Variants in SMOC2 observed in about 807,000 individuals in gnomAD.
The protein encoded by SMOC2 is SPARC related modular calcium binding 2.
In SMOC2, 39 loss-of-function variants were observed where a neutral mutation model predicts 61.4. The ratio of observed to expected loss-of-function variants is 0.64; its 90% CI spans 0.49 to 0.83. The LOEUF (loss-of-function observed/expected upper bound fraction) is 0.83, where lower values mean the gene tolerates loss of function less well. SMOC2 is among the 40% of genes least tolerant of loss of function. The pLI, the probability that SMOC2 is intolerant of heterozygous loss-of-function variation, is 0.00. For missense variants in SMOC2, 556 were observed against 592.9 expected, an observed-to-expected ratio of 0.94 and a Z score of 0.65; for synonymous variants, 247 against 239.9, an observed-to-expected ratio of 1.03 and a Z score of -0.27.
At chr6:168,538,207 TG>T (rs1783782251) in intron 4 of SMOC2, among the ~76,000 whole-genome samples, 2 of 63,044 alleles carry the variant, frequency 3.2e-5, no homozygotes, top group Admixed American at 4.2e-4. Flanking sequence ...ATCTGGGGAG[TG>T]GGGTGACCGC....
intron 4 of SMOC2, among the ~76,000 whole-genome samples, chr6:168,539,823 C>T (rs2115094445): frequency 6.6e-6 from 1 of 152,314 alleles, no homozygotes. Flanking sequence ...TACTCTTCCT[C>T]AGAGAGGCCT....
intron 7 of SMOC2, among the ~76,000 whole-genome samples, chr6:168,596,027 G>A (rs1785323711): frequency 7.9e-6 from 1 of 127,144 alleles, no homozygotes; most frequent in Non-Finnish European, 1.8e-5. Context: ...CTGCTGGAGA[G>A]GCATGAACAA....
At chr6:168,485,519 C>G (rs562766543) in intron 1 of SMOC2, among the ~76,000 whole-genome samples, 2 of 152,268 alleles carry the variant, frequency 1.3e-5, no homozygotes, top group South Asian at 4.1e-4. Flanking sequence ...TTGATACACA[C>G]TACAACAAGG....
intron 7 of SMOC2, among the ~76,000 whole-genome samples, chr6:168,588,177 A>G (rs868811781): frequency 3.9e-4 from 53 of 135,016 alleles, no homozygotes; most frequent in Middle Eastern, 4.1e-3. Flanking sequence ...AGGCTGGAGT[A>G]CAGTGGCATG....
At chr6:168,552,795 C>T (rs1029180655) in intron 7 of SMOC2, among the ~76,000 whole-genome samples, 2 of 151,786 alleles carry the variant, frequency 1.3e-5, no homozygotes, top group Non-Finnish European at 2.9e-5. Flanking sequence ...ATACCCAGGC[C>T]AGACTGGATT....
At chr6:168,444,064 A>G (rs915402273) in intron 1 of SMOC2, among the ~76,000 whole-genome samples, 4 of 152,190 alleles carry the variant, frequency 2.6e-5, no homozygotes, top group African/African-American at 9.6e-5. Context: ...CGTAATTATC[A>G]ATGCATATAG....
chr6:168,522,881 G>A (rs2609292), intron 2 of SMOC2, among the ~76,000 whole-genome samples: 86,637 of 151,668 alleles, frequency 0.57, 27,937 homozygotes, highest in Non-Finnish European at 0.72. Flanking sequence ...GGAGGTAGAC[G>A]GATAGTTCTA....
intron 1 of SMOC2, among the ~76,000 whole-genome samples, chr6:168,461,678 G>A (rs1161917278): frequency 6.6e-6 from 1 of 152,054 alleles, no homozygotes; most frequent in Non-Finnish European, 1.5e-5. Context: ...ACATTCAGTC[G>A]GGTCAAGCGT....
intron 11 of SMOC2, among the ~76,000 whole-genome samples, chr6:168,663,719 G>A (rs1356864378): frequency 2.0e-5 from 3 of 152,158 alleles, no homozygotes; most frequent in Non-Finnish European, 2.9e-5. Flanking sequence ...AAGAAAAGAT[G>A]CAAATAAAAA....
chr6:168,546,575 T>A (rs1432642771), intron 5 of SMOC2, among the ~76,000 whole-genome samples: 3 of 152,076 alleles, frequency 2.0e-5, no homozygotes, highest in Non-Finnish European at 2.9e-5. Context: ...CCCACTCACA[T>A]CCTTACTTAG....
intron 7 of SMOC2, among the ~76,000 whole-genome samples, chr6:168,567,794 T>C (rs1399058155): frequency 6.6e-6 from 1 of 152,148 alleles, no homozygotes; most frequent in Non-Finnish European, 1.5e-5. Context: ...CATTAGAATT[T>C]AGTGCGTCTT....
chr6:168,468,081 CA>C (rs1399158174), intron 1 of SMOC2, among the ~76,000 whole-genome samples: 3 of 152,138 alleles, frequency 2.0e-5, no homozygotes, highest in South Asian at 2.1e-4. Context: ...AAAAGTAACT[CA>C]GGGGGGCTCT....
In SMOC2 at chr6:168,636,880, C is replaced by A. The variant is rs1329393255; in HGVS notation, c.908-13801C>A. 4.4e-5 allele frequency among the ~76,000 whole-genome samples: 6 copies of A among 135,122 alleles called. No homozygotes were observed. In the East Asian group the frequency reaches 7.6e-4, roughly 17 times the overall value. The allele number at this position is 135,122 out of a possible 152,430, so 88.6% of individuals were successfully genotyped here. ...CCTCCTCCCGCCTCCCTCCTCCCGC[C>A]TCCCTCCTCCCACCTCCCTCCTGCC... On this transcript the variant is annotated intron_variant, in intron 9 of 12. Transcript: ENST00000356284.
intron 9 of SMOC2, among the ~76,000 whole-genome samples, chr6:168,643,646 G>A (rs555798913): frequency 3.9e-5 from 6 of 152,338 alleles, no homozygotes; most frequent in South Asian, 2.1e-4. Flanking sequence ...CATCATGGCC[G>A]TGGGGCAGCG....
intron 2 of SMOC2, among the ~76,000 whole-genome samples, chr6:168,525,454 G>A (rs912354798): frequency 1.3e-5 from 2 of 152,222 alleles, no homozygotes; most frequent in Non-Finnish European, 2.9e-5. Context: ...AGGCCTGCTT[G>A]TGGCACACAC....
At chr6:168,569,451 G>GT (rs1043185799) in intron 7 of SMOC2, among the ~76,000 whole-genome samples, 3 of 151,786 alleles carry the variant, frequency 2.0e-5, no homozygotes, top group Non-Finnish European at 4.4e-5. Flanking sequence ...TCATTTGTTT[G>GT]TTTTTTTGAG....
At chr6:168,516,600 C>A (rs1299848096) in intron 2 of SMOC2, among the ~76,000 whole-genome samples, 1 of 151,636 alleles carries the variant, frequency 6.6e-6, no homozygotes, top group Non-Finnish European at 1.5e-5. Context: ...CTCAGCAAAG[C>A]GGCTGGGACT....
chr6:168,500,423 CG>C (rs1782699299), intron 1 of SMOC2, among the ~76,000 whole-genome samples: 1 of 151,882 alleles, frequency 6.6e-6, no homozygotes, highest in Non-Finnish European at 1.5e-5. Flanking sequence ...TTGGTGTTGG[CG>C]GGTCTCCTGT....
chr6:168,603,724 AC>A (rs1441345822), intron 8 of SMOC2, among the ~76,000 whole-genome samples: 1,407 of 59,842 alleles, frequency 0.024, 22 homozygotes, highest in African/African-American at 0.056. Flanking sequence ...AAAAAAAAAA[AC>A]CAGTAATCCA....
Sources: allele counts gnomAD v4.1 joint callset (sites outside exome capture counted in the v4.1 genomes callset), GRCh38; gene constraint gnomAD v4.1.1; transcripts MANE v1.5; gene names NCBI Gene and HGNC (gene_info 2026-07-23, HGNC 2026-07-21).